FBXW7: variants seen among roughly 807,000 people sequenced by gnomAD.
FBXW7 encodes F-box and WD repeat domain containing 7, also known as F-box/WD repeat-containing protein 7.
A neutral mutation model predicts 86.3 loss-of-function variants in FBXW7; 11 were observed. That is an observed-to-expected ratio of 0.13 (90% confidence interval 0.08 to 0.21). FBXW7 has a LOEUF of 0.21. Ranked by LOEUF, FBXW7 falls within the 10% of genes least tolerant of loss-of-function variation. FBXW7 has a pLI of 1.00. For missense variants in FBXW7, 488 were observed against 847.4 expected (o/e 0.58, Z 5.27); for synonymous variants, 313 against 297.9 (o/e 1.05, Z -0.52).
intron 2 of FBXW7, among the ~76,000 whole-genome samples, chr4:152,441,084 TAC>T (rs1159306647): frequency 2.0e-5 from 3 of 152,144 alleles, no homozygotes; most frequent in Non-Finnish European, 4.4e-5. Context: ...GTATCAAAAT[TAC>T]ACAGACCTAC....
chr4:152,421,016 A>C (rs1738896576), intron 2 of FBXW7, among the ~76,000 whole-genome samples: 1 of 152,104 alleles, frequency 6.6e-6, no homozygotes, highest in South Asian at 2.1e-4. Flanking sequence ...CTTCCAATAG[A>C]GTGCTGTTTC....
chr4:152,509,126 C>T (rs1448831038), intron 2 of FBXW7, among the ~76,000 whole-genome samples: 1 of 151,998 alleles, frequency 6.6e-6, no homozygotes, highest in Non-Finnish European at 1.5e-5. Flanking sequence ...ACTAAGAAAA[C>T]ATGATAACTA....
intron 2 of FBXW7, among the ~76,000 whole-genome samples, chr4:152,472,752 A>G (rs1480523378): frequency 6.6e-6 from 1 of 152,160 alleles, no homozygotes; most frequent in African/African-American, 2.4e-5. Context: ...AAGCTCATAT[A>G]TACTTTGTGT....
intron 4 of FBXW7, among the ~76,000 whole-genome samples, chr4:152,387,865 C>T (rs570797825): frequency 7.9e-5 from 12 of 151,930 alleles, no homozygotes; most frequent in African/African-American, 2.2e-4. Flanking sequence ...CCCACCACCA[C>T]GCCCAGCTAA....
intron 2 of FBXW7, among the ~76,000 whole-genome samples, chr4:152,481,030 G>A (rs553232901): frequency 1.8e-4 from 28 of 152,290 alleles, no homozygotes; most frequent in African/African-American, 6.7e-4. Context: ...ACTCTCTACT[G>A]GAAGAAGAAG....
intron 2 of FBXW7, among the ~76,000 whole-genome samples, chr4:152,460,635 T>A (rs1000541994): frequency 6.6e-6 from 1 of 152,248 alleles, no homozygotes; most frequent in Admixed American, 6.5e-5. Context: ...ACCATATCCA[T>A]GGCTAGAGGT....
intron 7 of FBXW7, among the ~76,000 whole-genome samples, chr4:152,333,989 G>A (rs966555687): frequency 1.3e-5 from 2 of 152,122 alleles, no homozygotes; most frequent in African/African-American, 4.8e-5. Context: ...AGCAGGTGGA[G>A]GTTGCAGTGA....
At chr4:152,405,095 T>TG (rs1553969837) in intron 4 of FBXW7, among the ~76,000 whole-genome samples, 1 of 79,052 alleles carries the variant, frequency 1.3e-5, no homozygotes, top group Non-Finnish European at 2.3e-5. Context: ...GACCTTGTCT[T>TG]AAAAAAAAAA....
intron 9 of FBXW7, 31 bp from the exon 10 acceptor site, chr4:152,329,816 G>T: frequency 7.9e-7 from 1 of 1,267,740 alleles, no homozygotes; most frequent in Non-Finnish European, 1.1e-6. Flanking sequence ...TTAGAAATAT[G>T]TTAATTAAAT....
At chr4:152,328,109 A>G in intron 11 of FBXW7, 99 bp downstream of exon 11, 1 of 931,300 alleles carries the variant, frequency 1.1e-6, no homozygotes, top group East Asian at 2.9e-5. Flanking sequence ...ATCTAATTTA[A>G]GAGCACACTG....
chr4:152,529,429 T>C (rs1352146242), intron 2 of FBXW7, among the ~76,000 whole-genome samples: 5 of 152,074 alleles, frequency 3.3e-5, no homozygotes, highest in Non-Finnish European at 5.9e-5. Context: ...ATACTACATA[T>C]AAACTAAAAG....
At position 152,511,058 on chromosome 4, in the gene FBXW7, T is replaced by G. The variant is rs1181541700; in HGVS notation, c.-120+23883A>C. Among the ~76,000 whole-genome samples, 15 of 149,948 alleles carry G rather than the reference T, an allele frequency of 1.0e-4. 1 individual carries two copies. The highest frequency in any genetic ancestry group is 1.0e-3 in the Admixed American group (15 of 15,066). ...GGTTAATTTTTTTTTTTTTTTTTTGTAGAGACAGGGGGTCTCTTCATGTTG... is the reference window on the plus strand; with the variant it reads ...GGTTAATTTTTTTTTTTTTTTTTTGGAGAGACAGGGGGTCTCTTCATGTTG... On this transcript the variant is annotated intron_variant, in intron 2 of 13. Transcript: ENST00000281708.
chr4:152,405,781 G>A (rs1180425227), intron 4 of FBXW7, among the ~76,000 whole-genome samples: 1 of 152,172 alleles, frequency 6.6e-6, no homozygotes, highest in African/African-American at 2.4e-5. Flanking sequence ...AGACTCAGAT[G>A]ATAAGAAAAA....
At chr4:152,440,600 A>G (rs1165719288) in intron 2 of FBXW7, among the ~76,000 whole-genome samples, 5 of 152,146 alleles carry the variant, frequency 3.3e-5, no homozygotes, top group Admixed American at 3.3e-4. Flanking sequence ...ACTTCTTATG[A>G]TTTTCTGAAA....
intron 2 of FBXW7, among the ~76,000 whole-genome samples, chr4:152,483,346 A>G (rs1300270588): frequency 1.3e-5 from 2 of 151,640 alleles, no homozygotes; most frequent in African/African-American, 4.9e-5. Context: ...ACAGAATTCC[A>G]TTGTAATAGA....
chr4:152,502,550 T>C (rs1209731227), intron 2 of FBXW7, among the ~76,000 whole-genome samples: 1 of 152,116 alleles, frequency 6.6e-6, no homozygotes, highest in African/African-American at 2.4e-5. Context: ...CAATACTTTT[T>C]ATTTTTTTTA....
At chr4:152,368,463 G>A (rs1305780977) in intron 4 of FBXW7, among the ~76,000 whole-genome samples, 2 of 151,978 alleles carry the variant, frequency 1.3e-5, no homozygotes, top group Non-Finnish European at 2.9e-5. Context: ...GAAATAACAA[G>A]AACCAAGAGA....
chr4:152,446,878 C>A (rs1741449640), intron 2 of FBXW7, among the ~76,000 whole-genome samples: 1 of 152,086 alleles, frequency 6.6e-6, no homozygotes, highest in Non-Finnish European at 1.5e-5. Context: ...ACATCCTTGA[C>A]CGAATCCTAA....
intron 2 of FBXW7, among the ~76,000 whole-genome samples, chr4:152,490,862 C>G (rs75568251): frequency 0.018 from 2,685 of 152,088 alleles, 54 homozygotes; most frequent in African/African-American, 0.043. Context: ...AAATTTAAAA[C>G]ATACAGCAAG....
Sources: gnomAD v4.1 joint callset for allele counts (sites outside exome capture counted in the v4.1 genomes callset) on GRCh38, gnomAD v4.1.1 for gene constraint, MANE v1.5 for transcripts, NCBI Gene and HGNC (gene_info 2026-07-23, HGNC 2026-07-21) for gene names.